Variants in CREB5 observed in about 807,000 individuals in gnomAD.
CREB5 encodes the protein cAMP responsive element binding protein 5.
A neutral mutation model predicts 57.1 loss-of-function variants in CREB5; 19 were observed. That is an observed-to-expected ratio of 0.33 (90% confidence interval 0.23 to 0.49). The LOEUF is 0.49. Ranked by LOEUF, CREB5 falls within the 20% of genes least tolerant of loss-of-function variation. The pLI is 0.99. For missense variants in CREB5, 579 were observed against 671.6 expected, an observed-to-expected ratio of 0.86 and a Z score of 1.52; for synonymous variants, 238 against 238.3, an observed-to-expected ratio of 1.00 and a Z score of 0.01.
Position 28,434,403 on chromosome 7 carries a change from CT to C in CREB5, c.3+21493del, listed in dbSNP as rs1280717753. ...ACACCCAGATCCAGTTATTTGTAAA[CT>C]TTTTTTCTGCCTATTATCTTAGCAG... On this transcript the variant is annotated intron_variant, in intron 1 of 10. Coordinates refer to ENST00000357727, the MANE Select transcript of CREB5 (RefSeq NM_182898.4). Among the ~76,000 whole-genome samples the C allele has an allele frequency of 1.8e-3, 276 of 152,200 alleles. 1 individual carries two copies. Among genetic ancestry groups the C allele is most frequent in the East Asian group, 7.9e-3 (41 of 5,174 alleles).
intron 4 of CREB5, among the ~76,000 whole-genome samples, chr7:28,569,813 T>C (rs1201350620): frequency 6.6e-6 from 1 of 152,236 alleles, no homozygotes; most frequent in East Asian, 1.9e-4. Flanking sequence ...TGTCTTGTCA[T>C]GTATTCCAAT....
chr7:28,430,792 T>A (rs1412257321), intron 1 of CREB5, among the ~76,000 whole-genome samples: 1 of 152,198 alleles, frequency 6.6e-6, no homozygotes. Flanking sequence ...TTTATTGTCT[T>A]AGAGTTTCTG....
chr7:28,623,276 C>T (rs1797872969), intron 5 of CREB5, among the ~76,000 whole-genome samples: 6 of 152,232 alleles, frequency 3.9e-5, no homozygotes, highest in Admixed American at 3.9e-4. Context: ...ACGTTCTGAG[C>T]ATGCACACAT....
intron 5 of CREB5, among the ~76,000 whole-genome samples, chr7:28,677,176 T>C (rs1003681578): frequency 2.0e-5 from 3 of 152,218 alleles, no homozygotes; most frequent in East Asian, 1.9e-4. Flanking sequence ...TATTTATATA[T>C]TTTTTTCATT....
At chr7:28,348,402 TCTCTCTCACACACA>T (rs1562668413) in intron 1 of CREB5, among the ~76,000 whole-genome samples, 6 of 32,018 alleles carry the variant, frequency 1.9e-4, no homozygotes, top group East Asian at 1.4e-3. Context: ...TCTCTGTCTC[TCTCTCTCACACACA>T]CACACACACA....
intron 1 of CREB5, among the ~76,000 whole-genome samples, chr7:28,313,025 G>T (rs114228022): frequency 1.1e-3 from 171 of 152,324 alleles, no homozygotes; most frequent in African/African-American, 4.0e-3. Flanking sequence ...GGTAGTTTAG[G>T]TCGGTGTTTC....
At chr7:28,750,610 T>A (rs1804929398) in intron 7 of CREB5, among the ~76,000 whole-genome samples, 1 of 152,186 alleles carries the variant, frequency 6.6e-6, no homozygotes. Flanking sequence ...TCACTTTTTT[T>A]ATTAGAGTCA....
At chr7:28,517,398 C>T (rs537207028) in intron 4 of CREB5, among the ~76,000 whole-genome samples, 9 of 152,236 alleles carry the variant, frequency 5.9e-5, no homozygotes, top group African/African-American at 1.9e-4. Flanking sequence ...ACTGGGATTC[C>T]GAGCATTCCT....
At chr7:28,613,627 T>C (rs1044353868) in intron 5 of CREB5, among the ~76,000 whole-genome samples, 16 of 152,344 alleles carry the variant, frequency 1.1e-4, no homozygotes, top group African/African-American at 3.8e-4. Context: ...CACCGATTAC[T>C]GGTCATTAAC....
intron 7 of CREB5, among the ~76,000 whole-genome samples, chr7:28,799,685 G>A (rs753025066): frequency 2.6e-5 from 4 of 152,086 alleles, no homozygotes; most frequent in Non-Finnish European, 5.9e-5. Flanking sequence ...TCCTTGCCAC[G>A]TTTTCAAGGA....
At chr7:28,416,613 T>C (rs1025479331) in intron 1 of CREB5, among the ~76,000 whole-genome samples, 1 of 152,286 alleles carries the variant, frequency 6.6e-6, no homozygotes. Context: ...ATGACAACAT[T>C]GTGCAGAAAA....
intron 5 of CREB5, chr7:28,615,135 CT>C (rs1377357923): frequency 6.6e-6 from 1 of 152,140 alleles, no homozygotes; most frequent in East Asian, 1.9e-4. Flanking sequence ...TGCACTAAGA[CT>C]TTGGTGTGAG....
intron 1 of CREB5, among the ~76,000 whole-genome samples, chr7:28,307,574 T>C (rs962140819): frequency 6.6e-6 from 1 of 152,242 alleles, no homozygotes; most frequent in African/African-American, 2.4e-5. Flanking sequence ...GCAGCACAAA[T>C]GGGCTTAGAC....
At chr7:28,392,650 C>A (rs1787244800) in intron 1 of CREB5, among the ~76,000 whole-genome samples, 1 of 152,162 alleles carries the variant, frequency 6.6e-6, no homozygotes, top group South Asian at 2.1e-4. Context: ...TTTCCACTGC[C>A]TATCTGCCTT....
In CREB5 at chr7:28,621,781, G is replaced by A. The variant is rs959208838; in HGVS notation, c.464+51244G>A. Among the ~76,000 whole-genome samples, 7 of 152,246 alleles carry A rather than the reference G, an allele frequency of 4.6e-5. No individual in the cohort carries two copies. In the South Asian group the frequency reaches 8.3e-4, roughly 18 times the overall value. On this transcript the variant is annotated intron_variant, in intron 5 of 10. Transcript: ENST00000357727. ...TACACCTGAAAGACAGGATGATGTC[G>A]TCATACCAAGCAAGCATTCTGACTG... is the stretch of plus-strand genomic sequence containing the variant.
At position 28,454,880 on chromosome 7, in the gene CREB5, A is replaced by G. The variant is rs116334495; in HGVS notation, c.4-33295A>G. 5.9e-3 allele frequency among the ~76,000 whole-genome samples: 891 copies of G among 152,290 alleles called. 9 individuals carry two copies. Among genetic ancestry groups the G allele is most frequent in the African/African-American group, 0.02 (822 of 41,566 alleles). The stretch of plus-strand genomic sequence containing the variant: ...GCTGGTGGGCAGTGGAGAGCAGAGT[A>G]TACTGGTACCCGCTTCCACATGGAT... On this transcript the variant is annotated intron_variant, in intron 1 of 10. Coordinates refer to ENST00000357727, the MANE Select transcript of CREB5 (RefSeq NM_182898.4).
At position 28,445,709 on chromosome 7, in the gene CREB5, G is replaced by A. The variant is rs911682752; in HGVS notation, c.3+32792G>A. On this transcript the variant is annotated intron_variant, in intron 1 of 10. Coordinates refer to ENST00000357727, the MANE Select transcript of CREB5 (RefSeq NM_182898.4). Reference sequence around the variant, plus strand: ...TGGGACTACAGGCGCCCGCCACCACGCCTGGCTAATTTTTTGTATTTTTAG... The same window carrying A: ...TGGGACTACAGGCGCCCGCCACCACACCTGGCTAATTTTTTGTATTTTTAG... 2.5e-4 allele frequency among the ~76,000 whole-genome samples: 38 copies of A among 152,008 alleles called. No homozygotes were observed. In the East Asian group the frequency reaches 3.3e-3, roughly 13 times the overall value.
chr7:28,751,428 G>A (rs1203059200), intron 7 of CREB5, among the ~76,000 whole-genome samples: 1 of 152,224 alleles, frequency 6.6e-6, no homozygotes, highest in African/African-American at 2.4e-5. Context: ...TTTCAGCAAA[G>A]ACAGGTTAAA....
intron 5 of CREB5, among the ~76,000 whole-genome samples, chr7:28,653,921 C>G (rs2128708108): frequency 6.6e-6 from 1 of 152,310 alleles, no homozygotes; most frequent in South Asian, 2.1e-4. Context: ...AACTTCAAGC[C>G]CTGACAGTTT....
Sources: allele counts gnomAD v4.1 joint callset (sites outside exome capture counted in the v4.1 genomes callset), GRCh38; gene constraint gnomAD v4.1.1; transcripts MANE v1.5; gene names NCBI Gene and HGNC (gene_info 2026-07-23, HGNC 2026-07-21).